The following AGPS variants were observed in gnomAD, a reference collection of about 807,000 sequenced individuals.
The protein encoded by AGPS is alkylglycerone phosphate synthase, also known as alkyldihydroxyacetonephosphate synthase, peroxisomal.
In AGPS, 26 loss-of-function variants were observed where a neutral mutation model predicts 90.7. The observed-to-expected ratio is 0.29, with a 90% CI of 0.21 to 0.40. The LOEUF (loss-of-function observed/expected upper bound fraction) is 0.40. Among genes scored for constraint, AGPS ranks in the 10% least tolerant of loss-of-function variants. AGPS has a pLI of 1.00. For missense variants in AGPS, 540 were observed against 816.1 expected (o/e 0.66, Z 4.12); for synonymous variants, 294 against 285.3 (o/e 1.03, Z -0.31).
intron 9 of AGPS, among the ~76,000 whole-genome samples, chr2:177,463,128 T>G (rs1320519374): frequency 6.6e-6 from 1 of 152,234 alleles, no homozygotes. Context: ...CACTGCTTTT[T>G]GTAGCTGATA....
At chr2:177,407,000 G>A (rs544263815) in intron 1 of AGPS, among the ~76,000 whole-genome samples, 98 of 152,280 alleles carry the variant, frequency 6.4e-4, no homozygotes, top group Non-Finnish European at 5.9e-4. Flanking sequence ...CTCCTTGTGT[G>A]GCCATCATTG....
intron 13 of AGPS, among the ~76,000 whole-genome samples, chr2:177,498,561 T>TC (rs1376722180): frequency 6.6e-6 from 1 of 151,556 alleles, no homozygotes; most frequent in Non-Finnish European, 1.5e-5. Flanking sequence ...AGAAAAGCCT[T>TC]CCTTCCTCCA....
At position 177,498,539 on chromosome 2, in the gene AGPS, T is replaced by C. The variant is rs76703018; in HGVS notation, c.1362+774T>C. ...TATCTTTTCCTGTGATTATTTAATATAGTCTAAGCTTAGAAAAGCCTTCCT... is the reference window on the plus strand; with the variant it reads ...TATCTTTTCCTGTGATTATTTAATACAGTCTAAGCTTAGAAAAGCCTTCCT... On this transcript the variant is annotated intron_variant, in intron 13 of 19. Transcript: ENST00000264167. Among the ~76,000 whole-genome samples, 57 of 151,674 alleles carry C rather than the reference T, an allele frequency of 3.8e-4. No individual in the cohort carries two copies. In the East Asian group the frequency reaches 0.01, roughly 27 times the overall value.
At chr2:177,522,340 T>TA (rs1479830438) in intron 18 of AGPS, among the ~76,000 whole-genome samples, 1 of 152,220 alleles carries the variant, frequency 6.6e-6, no homozygotes, top group African/African-American at 2.4e-5. Flanking sequence ...TGCTGGTCTC[T>TA]AAGTGCTACT....
At chr2:177,488,610 A>T (rs1241002483) in intron 11 of AGPS, among the ~76,000 whole-genome samples, 1 of 152,190 alleles carries the variant, frequency 6.6e-6, no homozygotes, top group Non-Finnish European at 1.5e-5. Flanking sequence ...ACTTCTAGTG[A>T]GGATGTTGCA....
chr2:177,480,591 T>G (rs1396280532), intron 10 of AGPS, among the ~76,000 whole-genome samples: 1 of 151,086 alleles, frequency 6.6e-6, no homozygotes, highest in African/African-American at 2.4e-5. Context: ...CGGGGGGAAG[T>G]GGGGAGGGAT....
At chr2:177,454,174 AC>A (rs1008695592) in intron 8 of AGPS, among the ~76,000 whole-genome samples, 25 of 149,186 alleles carry the variant, frequency 1.7e-4, no homozygotes, top group African/African-American at 5.2e-4. Flanking sequence ...TATCCAATAA[AC>A]CCCCCTCCCC....
chr2:177,414,213 C>G (rs1685720823), intron 1 of AGPS, among the ~76,000 whole-genome samples: 1 of 151,898 alleles, frequency 6.6e-6, no homozygotes, highest in African/African-American at 2.4e-5. Flanking sequence ...AGGTTTCTTT[C>G]TTTTCTTTTT....
chr2:177,497,766 G>C lies in AGPS; in HGVS notation c.1362+1G>C. ...ATTAAAAAAGTTTTATATTACAAAG[G>C]TAAGAATTTTTATAAAATGCTAAAA... On this transcript the variant is annotated splice_donor_variant, in intron 13 of 19. Transcript: ENST00000264167. LOFTEE classifies it high-confidence loss of function. 1.4e-6 allele frequency: 2 copies of C among 1,459,936 alleles called. No homozygotes were observed. The highest frequency in any genetic ancestry group is 1.2e-5 in the South Asian group (1 of 84,410). 90.4% of individuals were successfully genotyped at this position (1,459,936 alleles called of 1,614,324 possible).
chr2:177,522,792 C>T (rs578114921), intron 18 of AGPS, among the ~76,000 whole-genome samples: 9 of 152,194 alleles, frequency 5.9e-5, no homozygotes, highest in South Asian at 2.1e-4. Flanking sequence ...GGATGTGGTC[C>T]GTCTGTCCCA....
chr2:177,510,398 T>C (rs572570592), intron 16 of AGPS, among the ~76,000 whole-genome samples: 2 of 152,272 alleles, frequency 1.3e-5, no homozygotes, highest in East Asian at 3.9e-4. Context: ...ACCATCTAAC[T>C]GGGGCTTAGG....
chr2:177,449,135 C>T (rs540906667), intron 8 of AGPS, among the ~76,000 whole-genome samples: 1 of 152,270 alleles, frequency 6.6e-6, no homozygotes, highest in African/African-American at 2.4e-5. Flanking sequence ...CTATTACAAA[C>T]AAAGCTGCTA....
chr2:177,436,305 C>T (rs577272699), intron 3 of AGPS, among the ~76,000 whole-genome samples: 93 of 151,842 alleles, frequency 6.1e-4, no homozygotes, highest in African/African-American at 2.2e-3. Flanking sequence ...GCGCCCGCCA[C>T]CACGCCCGGC....
intron 8 of AGPS, among the ~76,000 whole-genome samples, chr2:177,457,636 G>A (rs929043007): frequency 6.6e-6 from 1 of 152,164 alleles, no homozygotes; most frequent in Non-Finnish European, 1.5e-5. Context: ...AAGCCAGGAA[G>A]AAGTCAAATC....
chr2:177,400,740 C>A (rs1293405927), intron 1 of AGPS, among the ~76,000 whole-genome samples: 1 of 152,188 alleles, frequency 6.6e-6, no homozygotes, highest in Non-Finnish European at 1.5e-5. Context: ...TCTCCAAATT[C>A]TATTTATAGT....
At chr2:177,449,151 G>T (rs1398241508) in intron 8 of AGPS, among the ~76,000 whole-genome samples, 1 of 152,102 alleles carries the variant, frequency 6.6e-6, no homozygotes, top group Non-Finnish European at 1.5e-5. Context: ...TGCTATGAAC[G>T]TTCATGTGAA....
At chr2:177,498,830 C>G (rs1688481478) in intron 13 of AGPS, among the ~76,000 whole-genome samples, 1 of 151,606 alleles carries the variant, frequency 6.6e-6, no homozygotes, top group Non-Finnish European at 1.5e-5. Flanking sequence ...CATTTTAGTG[C>G]ATCTCAGTCT....
At chr2:177,412,546 C>T (rs530717819) in intron 1 of AGPS, among the ~76,000 whole-genome samples, 2 of 152,134 alleles carry the variant, frequency 1.3e-5, no homozygotes, top group East Asian at 1.9e-4. Flanking sequence ...TTTAACTGGC[C>T]GACAAGCACC....
At chr2:177,493,258 A>G in intron 12 of AGPS, 59 bp downstream of exon 12, 2 of 1,424,136 alleles carry the variant, frequency 1.4e-6, no homozygotes, top group Admixed American at 1.7e-5. Context: ...ATGAAACATC[A>G]GTAGGAAGAG....
Sources: allele counts gnomAD v4.1 joint callset (sites outside exome capture counted in the v4.1 genomes callset), GRCh38; gene constraint gnomAD v4.1.1; transcripts MANE v1.5; gene names NCBI Gene and HGNC (gene_info 2026-07-23, HGNC 2026-07-21).